ROBO2: variants seen among roughly 807,000 people sequenced by gnomAD.
ROBO2 encodes the protein roundabout guidance receptor 2.
ROBO2 carries 53 observed loss-of-function variants against 160.8 expected under a neutral mutation model. The observed-to-expected ratio is 0.33, with a 90% CI of 0.26 to 0.41. ROBO2 has a LOEUF of 0.41. ROBO2 is among the 10% of genes least tolerant of loss of function. ROBO2 has a pLI of 1.00. For missense variants in ROBO2, 1,577 were observed against 1,722.4 expected, an observed-to-expected ratio of 0.92 and a Z score of 1.49; for synonymous variants, 664 against 611.7, an observed-to-expected ratio of 1.09 and a Z score of -1.26.
chr3:77,171,710 G>T (rs1300566664), intron 2 of ROBO2, among the ~76,000 whole-genome samples: 2 of 152,232 alleles, frequency 1.3e-5, no homozygotes, highest in East Asian at 3.9e-4. Flanking sequence ...TTAAATGGTG[G>T]AGTATGTTCT....
At chr3:76,811,331 T>C (rs917033399) in intron 2 of ROBO2, among the ~76,000 whole-genome samples, 5 of 152,188 alleles carry the variant, frequency 3.3e-5, no homozygotes, top group Non-Finnish European at 5.9e-5. Flanking sequence ...TATTATTTCA[T>C]GTTTGTTCAT....
intron 1 of ROBO2, among the ~76,000 whole-genome samples, chr3:77,097,294 A>G (rs1358667470): frequency 3.3e-5 from 5 of 152,130 alleles, no homozygotes; most frequent in Admixed American, 6.6e-5. Context: ...CTCAATCTAA[A>G]TGTAATTTTT....
intron 2 of ROBO2, among the ~76,000 whole-genome samples, chr3:75,937,932 G>T (rs963271310): frequency 3.4e-5 from 5 of 148,480 alleles, no homozygotes; most frequent in Admixed American, 2.0e-4. Context: ...GTATGCGTAT[G>T]AGTTTGTGTT....
intron 2 of ROBO2, among the ~76,000 whole-genome samples, chr3:76,321,003 A>G (rs2072472975): frequency 6.6e-6 from 1 of 152,232 alleles, no homozygotes; most frequent in Admixed American, 6.5e-5. Context: ...TCTAAAAGAT[A>G]TACATGCATT....
chr3:76,861,996 C>A (rs1272172789), intron 2 of ROBO2, among the ~76,000 whole-genome samples: 2 of 151,906 alleles, frequency 1.3e-5, no homozygotes, highest in Admixed American at 6.6e-5. Flanking sequence ...GAAATAGAGA[C>A]CTCAAGAACA....
chr3:77,602,263 G>C (rs1390275590), exon 20 of ROBO2: 1 of 1,614,148 alleles, frequency 6.2e-7, no homozygotes, highest in East Asian at 2.2e-5. Flanking sequence ...GATGCTCTCA[G>C]ATGGAGCCAT....
intron 2 of ROBO2, among the ~76,000 whole-genome samples, chr3:76,816,551 T>A (rs1430267286): frequency 6.6e-6 from 1 of 152,002 alleles, no homozygotes; most frequent in Non-Finnish European, 1.5e-5. Flanking sequence ...ACATGTTTGA[T>A]GTGATGTTTG....
At chr3:77,477,662 A>G in intron 3 of ROBO2, 91 bp downstream of exon 3, 1 of 1,253,482 alleles carries the variant, frequency 8.0e-7, no homozygotes, top group Non-Finnish European at 1.1e-6. Context: ...CATTATTAAT[A>G]CAATTGTATT....
intron 2 of ROBO2, among the ~76,000 whole-genome samples, chr3:76,019,160 C>A (rs992306790): frequency 6.6e-6 from 1 of 151,552 alleles, no homozygotes; most frequent in Non-Finnish European, 1.5e-5. Context: ...GCATTATGGT[C>A]TCCCCACATG....
At chr3:76,226,126 CTT>C (rs1704268408) in intron 2 of ROBO2, among the ~76,000 whole-genome samples, 1 of 152,096 alleles carries the variant, frequency 6.6e-6, no homozygotes, top group Non-Finnish European at 1.5e-5. Context: ...ATAAACAAAA[CTT>C]AATACTAAGA....
intron 2 of ROBO2, among the ~76,000 whole-genome samples, chr3:76,086,097 C>A (rs1350467613): frequency 2.0e-5 from 3 of 152,212 alleles, no homozygotes; most frequent in East Asian, 3.9e-4. Flanking sequence ...TAAGGACATA[C>A]TTGAGACAGA....
chr3:76,427,575 G>C (rs2108987021), intron 2 of ROBO2, among the ~76,000 whole-genome samples: 1 of 152,238 alleles, frequency 6.6e-6, no homozygotes, highest in East Asian at 1.9e-4. Flanking sequence ...ATTCCCAGTT[G>C]TGATGTCAAA....
chr3:77,128,871 T>TCAAAAATTCCATCAAAAAAAAAATACAAA (rs2075590872), intron 2 of ROBO2, among the ~76,000 whole-genome samples: 1 of 152,196 alleles, frequency 6.6e-6, no homozygotes, highest in Non-Finnish European at 1.5e-5. Context: ...CATAAAAATT[T>TCAAAAATTCCATCAAAAAAAAAATACAAA]AAACTTCCAT....
Position 76,045,178 on chromosome 3 carries a change from G to A in ROBO2, c.109+107576G>A, listed in dbSNP as rs148402366. 2.6e-5 allele frequency among the ~76,000 whole-genome samples: 4 copies of A among 152,080 alleles called. No individual in the cohort carries two copies. In the East Asian group the frequency reaches 7.7e-4, roughly 29 times the overall value. ...AGAAAGCTGACTATATAGTGCCCCC[G>A]TGTGGCACAGTGCCATGTTACATGA... On this transcript the variant is annotated intron_variant, in intron 2 of 26. Transcript: ENST00000487694.
chr3:76,818,781 A>G (rs2065890868), intron 2 of ROBO2, among the ~76,000 whole-genome samples: 1 of 151,834 alleles, frequency 6.6e-6, no homozygotes, highest in Non-Finnish European at 1.5e-5. Flanking sequence ...TTTTGGGTTT[A>G]TTTCTGGGTT....
intron 2 of ROBO2, among the ~76,000 whole-genome samples, chr3:76,868,105 T>A (rs1198742017): frequency 6.6e-6 from 1 of 152,228 alleles, no homozygotes; most frequent in Non-Finnish European, 1.5e-5. Flanking sequence ...TCATAGGCAA[T>A]GGGCATCTAT....
intron 2 of ROBO2, among the ~76,000 whole-genome samples, chr3:77,224,807 G>T (rs1479110834): frequency 4.6e-5 from 7 of 151,784 alleles, no homozygotes. Context: ...AAGCTACACA[G>T]ATTATAGATA....
chr3:76,290,122 A>G (rs528421470), intron 2 of ROBO2, among the ~76,000 whole-genome samples: 2 of 152,272 alleles, frequency 1.3e-5, no homozygotes, highest in Admixed American at 1.3e-4. Context: ...CTTCTAATCC[A>G]TGAGCATGGA....
chr3:77,566,648 G>A (rs1445362611), intron 12 of ROBO2, among the ~76,000 whole-genome samples: 1 of 152,058 alleles, frequency 6.6e-6, no homozygotes, highest in Non-Finnish European at 1.5e-5. Context: ...AACTATGCTA[G>A]TCACTAAATC....
Sources: allele counts gnomAD v4.1 joint callset (sites outside exome capture counted in the v4.1 genomes callset), GRCh38; gene constraint gnomAD v4.1.1; transcripts MANE v1.5; gene names NCBI Gene and HGNC (gene_info 2026-07-23, HGNC 2026-07-21).